The following TEX55 variants were observed in gnomAD, a reference collection of about 807,000 sequenced individuals.
TEX55 encodes testis expressed 55.
In TEX55, 31 loss-of-function variants were observed where a neutral mutation model predicts 44.6. The ratio of observed to expected loss-of-function variants is 0.69; its 90% CI spans 0.52 to 0.94. The LOEUF is 0.94. TEX55 is among the 40% of genes least tolerant of loss of function. The pLI is 0.00. For synonymous variants in TEX55, 230 were observed against 230.9 expected (o/e 1.00, Z 0.04); for missense variants, 639 against 638.4 (o/e 1.00, Z -0.01).
At chr3:119,148,155 T>C in intron 1 of TEX55, 25 bp from the exon 2 acceptor site, 1 of 1,599,314 alleles carries the variant, frequency 6.3e-7, no homozygotes, top group Non-Finnish European at 8.5e-7. Context: ...CTAAGGACTT[T>C]TTGGTGGGGG....
intron 2 of TEX55, among the ~76,000 whole-genome samples, chr3:119,149,752 T>A (rs1675202795): frequency 6.6e-6 from 1 of 152,186 alleles, no homozygotes; most frequent in African/African-American, 2.4e-5. Context: ...TCCATTAAAA[T>A]CTTGAAACAC....
In TEX55 at chr3:119,148,331, T is replaced by C; in HGVS notation, c.1542+8T>C. 6.2e-7 allele frequency: 1 copy of C among 1,605,656 alleles called. No individual in the cohort carries two copies. The highest frequency in any genetic ancestry group is 8.5e-7 in the Non-Finnish European group (1 of 1,177,400). On this transcript the variant is annotated splice_region_variant and intron_variant, in intron 2 of 2. Coordinates refer to ENST00000295622, the MANE Select transcript of TEX55 (RefSeq NM_152539.3). ...ATTCTGCAAATATTCCAGGTAAACC[T>C]CTCAATTCCTCTCTTTAATTATAAG...
Position 119,147,271 on chromosome 3 carries a change from C to G in TEX55, c.1082C>G (p.Ser361Cys), listed in dbSNP as rs772012454. ...DRQANHKDQL[S>C]YYETRGQSED... The stretch of plus-strand genomic sequence containing the variant: ...CAAGCTAATCATAAAGACCAGCTGT[C>G]TTACTATGAAACACGTGGCCAGTCT... Residue 361 changes from serine to cysteine, a missense_variant, in exon 1 of 3, where the codon TCT becomes TGT. Physicochemically the swap from Ser to Cys is moderately radical, Grantham distance 112. Coordinates refer to ENST00000295622, the MANE Select transcript of TEX55 (RefSeq NM_152539.3). 6.2e-7 allele frequency: 1 copy of G among 1,614,196 alleles called. No individual in the cohort carries two copies. The highest frequency in any genetic ancestry group is 1.1e-5 in the South Asian group (1 of 91,080).
In TEX55 at chr3:119,147,063, C is replaced by T; in HGVS notation, c.874C>T (p.Leu292Phe). The T allele has an allele frequency of 6.2e-7, 1 of 1,614,186 alleles. No individual in the cohort carries two copies. Among genetic ancestry groups the T allele is most frequent in the East Asian group, 2.2e-5 (1 of 44,878 alleles). The change falls in exon 1 of 3, where the codon CTC becomes TTC. Residue 292 changes from leucine to phenylalanine, a missense_variant. By Grantham distance (22) the Leu-to-Phe change is conservative. Coordinates refer to ENST00000295622, the MANE Select transcript of TEX55 (RefSeq NM_152539.3). ...ADPGTSEQTD[L>F]RLYGLVDHKT... ...CCCAGGAACTTCTGAGCAGACTGAC[C>T]TCAGATTGTATGGCCTCGTTGACCA...
chr3:119,146,789 C>G lies in TEX55; in HGVS notation c.600C>G (p.Gly200=), dbSNP rs73854411. 346 of 1,613,976 alleles carry G rather than the reference C, an allele frequency of 2.1e-4. 1 individual carries two copies. The African/African-American group carries it at 3.8e-3, about 18-fold the overall frequency. Reference sequence around the variant, plus strand: ...AGCAGATGGACCGCAGAATGTCTGGCGAGGCTGAGCGAAGAACTTCTGAGC... The same window carrying G: ...AGCAGATGGACCGCAGAATGTCTGGGGAGGCTGAGCGAAGAACTTCTGAGC... The part of the protein sequence containing the change: ...ASEQMDRRMS[G]EAERRTSEQI... Residue 200 remains glycine (G), a synonymous_variant, in exon 1 of 3, where the codon GGC becomes GGG. Coordinates refer to ENST00000295622, the MANE Select transcript of TEX55 (RefSeq NM_152539.3).
Position 119,146,476 on chromosome 3 carries a change from A to T in TEX55, c.287A>T (p.Asp96Val). 6.2e-7 allele frequency: 1 copy of T among 1,614,132 alleles called. No homozygotes were observed. The highest frequency in any genetic ancestry group is 8.5e-7 in the Non-Finnish European group (1 of 1,180,036). The change falls in exon 1 of 3, where the codon GAT (aspartate) becomes GTT (valine). Residue 96 changes from aspartate to valine, a missense_variant. Asp to Val is a radical substitution (Grantham distance 152). Coordinates refer to ENST00000295622, the MANE Select transcript of TEX55 (RefSeq NM_152539.3). ...QAGRRASNPA[D>V]VSDLRADDQV... ...GGCCGCAGAGCATCCAACCCTGCTG[A>T]TGTTTCTGACCTTAGAGCAGATGAT...
In TEX55 at chr3:119,146,840, A is replaced by G. The variant is rs2077731705; in HGVS notation, c.651A>G (p.Leu217=). ...AGATTACACACAGATTATCCAAACT[A>G]TCTGAGAGAAGACCTTCTGTGCAGA... ...SEQITHRLSK[L]SERRPSVQID... The change falls in exon 1 of 3, where the codon CTA becomes CTG. Residue 217 remains leucine (L), a synonymous_variant. Transcript: ENST00000295622. 1 of 1,614,230 alleles carries G rather than the reference A, an allele frequency of 6.2e-7. No homozygotes were observed. The highest frequency in any genetic ancestry group is 1.1e-5 in the South Asian group (1 of 91,080).
chr3:119,151,169 G>T, intron 2 of TEX55, 55 bp from the exon 3 acceptor site: 2 of 1,096,590 alleles, frequency 1.8e-6, no homozygotes, highest in South Asian at 2.5e-5. Context: ...AATATAACCT[G>T]ACCACATAAT....
intron 1 of TEX55, 144 bp from the exon 2 acceptor site, chr3:119,148,036 A>G: frequency 1.3e-6 from 1 of 757,504 alleles, no homozygotes; most frequent in Non-Finnish European, 2.2e-6. Flanking sequence ...GACCTGGAGG[A>G]TTATCCAAGT....
In TEX55 at chr3:119,146,714, C is replaced by T. The variant is rs753836888; in HGVS notation, c.525C>T (p.Ser175=). The change falls in exon 1 of 3, where the codon TCC becomes TCT. Residue 175 remains serine (S), a synonymous_variant. Transcript: ENST00000295622. ...CTATGCCATCTGACCAGAGAGGTTC[C>T]AGACAGACCGACCACAGAATGGCAG... ...RLAMPSDQRG[S]RQTDHRMAGQ... The T allele has an allele frequency of 2.5e-6, 4 of 1,614,094 alleles. No individual in the cohort carries two copies. The highest frequency in any genetic ancestry group is 3.4e-6 in the Non-Finnish European group (4 of 1,180,042).
intron 2 of TEX55, 135 bp downstream of exon 2, chr3:119,148,458 T>C (rs1407162022): frequency 1.2e-6 from 1 of 805,788 alleles, no homozygotes; most frequent in East Asian, 2.9e-5. Flanking sequence ...AAGTAGTAAA[T>C]GATAAACACC....
At position 119,149,376 on chromosome 3, in the gene TEX55, C is replaced by T. The variant is rs574053797; in HGVS notation, c.1542+1053C>T. Among the ~76,000 whole-genome samples, 4 of 152,240 alleles carry T rather than the reference C, an allele frequency of 2.6e-5. No homozygotes were observed. In the South Asian group the frequency reaches 8.3e-4, roughly 32 times the overall value. ...GGATCATCAATATCACTGTCTTCCA[C>T]CTTCACAACTTGTCCCACTGGAAGG... is the stretch of plus-strand genomic sequence containing the variant. On this transcript the variant is annotated intron_variant, in intron 2 of 2. Transcript: ENST00000295622.
chr3:119,148,830 T>A (rs966833534), intron 2 of TEX55, among the ~76,000 whole-genome samples: 1 of 152,214 alleles, frequency 6.6e-6, no homozygotes, highest in Non-Finnish European at 1.5e-5. Context: ...TTATAATGAA[T>A]ACTGTAGGCA....
intron 1 of TEX55, 79 bp from the exon 2 acceptor site, chr3:119,148,101 T>G: frequency 1.6e-6 from 2 of 1,237,590 alleles, no homozygotes; most frequent in Non-Finnish European, 2.3e-6. Flanking sequence ...CTCATCAACA[T>G]CAGGTTTCAC....
chr3:119,147,020 A>G lies in TEX55; in HGVS notation c.831A>G (p.Arg277=). Reference sequence around the variant, plus strand: ...GAAGTTCTGAGAAGACTGACTACAGATTGGCTGGCCTGGCTGACCCAGGAA... The same window carrying G: ...GAAGTTCTGAGAAGACTGACTACAGGTTGGCTGGCCTGGCTGACCCAGGAA... ...RRRSSEKTDY[R]LAGLADPGTS... is the part of the protein sequence containing the mutation. The change falls in exon 1 of 3, where the codon AGA becomes AGG. Residue 277 remains arginine (R), a synonymous_variant. Coordinates refer to ENST00000295622, the MANE Select transcript of TEX55 (RefSeq NM_152539.3). The G allele has an allele frequency of 6.2e-7, 1 of 1,614,214 alleles. No homozygotes were observed. Among genetic ancestry groups the G allele is most frequent in the Non-Finnish European group, 8.5e-7 (1 of 1,180,026 alleles).
At position 119,147,264 on chromosome 3, in the gene TEX55, C is replaced by G. The variant is rs754441605; in HGVS notation, c.1075C>G (p.Gln359Glu). 1.9e-6 allele frequency: 3 copies of G among 1,614,150 alleles called. No individual in the cohort carries two copies. Among genetic ancestry groups the G allele is most frequent in the East Asian group, 4.5e-5 (2 of 44,884 alleles). The change falls in exon 1 of 3, where the codon CAG (glutamine) becomes GAG (glutamate). Residue 359 changes from glutamine to glutamate, a missense_variant. Transcript: ENST00000295622. ...AGACAGACAAGCTAATCATAAAGAC[C>G]AGCTGTCTTACTATGAAACACGTGG... ...LADRQANHKDQLSYYETRGQS... is the reference protein window; with the variant it reads ...LADRQANHKDELSYYETRGQS...
rs1257430721 is a variant in TEX55, at chr3:119,151,307, A to G, written c.*15A>G. The G allele has an allele frequency of 1.2e-6, 2 of 1,609,920 alleles. No homozygotes were observed. Among genetic ancestry groups the G allele is most frequent in the South Asian group, 2.2e-5 (2 of 90,822 alleles). On this transcript the variant is annotated 3_prime_UTR_variant, in exon 3 of 3. Coordinates refer to ENST00000295622, the MANE Select transcript of TEX55 (RefSeq NM_152539.3). ...GCCAGGTATAGAATTGGAGAAAAAG[A>G]ACAACCTTTTTATTCTCTTTATTGT...
chr3:119,146,563 T>C lies in TEX55; in HGVS notation c.374T>C (p.Val125Ala), dbSNP rs750348591. The change falls in exon 1 of 3, where the codon GTA becomes GCA. Residue 125 changes from valine (V) to alanine (A), a missense_variant. Val to Ala is a moderately conservative substitution (Grantham distance 64). Transcript: ENST00000295622. ...AAGGCATCTAGCCAAGCTAATAATGTACAGCATGAACAGAGTGATGGTCAG... is the reference window on the plus strand; with the variant it reads ...AAGGCATCTAGCCAAGCTAATAATGCACAGCATGAACAGAGTGATGGTCAG... ...KGKASSQANN[V>A]QHEQSDGQVS... 6.2e-7 allele frequency: 1 copy of C among 1,613,922 alleles called. No individual in the cohort carries two copies. The highest frequency in any genetic ancestry group is 2.2e-5 in the East Asian group (1 of 44,888).
chr3:119,148,670 TGA>T (rs989186322), intron 2 of TEX55, among the ~76,000 whole-genome samples: 1 of 152,342 alleles, frequency 6.6e-6, no homozygotes, highest in Non-Finnish European at 1.5e-5. Flanking sequence ...GGATATCTTC[TGA>T]GAGTTCTGAA....
Sources: allele counts gnomAD v4.1 joint callset (sites outside exome capture counted in the v4.1 genomes callset), GRCh38; gene constraint gnomAD v4.1.1; transcripts MANE v1.5; gene names NCBI Gene and HGNC (gene_info 2026-07-23, HGNC 2026-07-21).